PPRC1: variants seen among roughly 807,000 people sequenced by gnomAD.
PPRC1 encodes the protein PPARG related coactivator 1, also known as peroxisome proliferator-activated receptor gamma coactivator-related protein 1.
A neutral mutation model predicts 132.5 loss-of-function variants in PPRC1; 23 were observed. The ratio of observed to expected loss-of-function variants is 0.17; its 90% CI spans 0.12 to 0.25. The LOEUF is 0.25. Among genes scored for constraint, PPRC1 ranks in the 10% least tolerant of loss-of-function variants. PPRC1 has a pLI of 1.00. For missense variants in PPRC1, 2,006 were observed against 2,089.1 expected (o/e 0.96, Z 0.78); for synonymous variants, 872 against 833.5 (o/e 1.05, Z -0.80).
At chr10:102,149,024 G>T in intron 12 of PPRC1, 86 bp downstream of exon 12, 1 of 1,563,878 alleles carries the variant, frequency 6.4e-7, no homozygotes, top group Non-Finnish European at 8.7e-7. Flanking sequence ...TTGCTCTGGT[G>T]TGCTGAGCAA....
chr10:102,139,268 A>G lies in PPRC1; in HGVS notation c.760A>G (p.Ser254Gly). ...SDGEEEEEVA[S>G]FSGQILAGEL... ...TGGAGAAGAAGAGGAGGAGGTGGCC[A>G]GCTTCAGTGGCCAGATTCTTGCCGG... The change falls in exon 5 of 14, where the codon AGC becomes GGC. Residue 254 changes from serine (S) to glycine (G), a missense_variant. Around this residue, in one of 2 missense-constraint regions of PPRC1, gnomAD observed 1,914 missense variants for 1,917.2 expected, o/e 1.00. Coordinates refer to ENST00000278070, the MANE Select transcript of PPRC1 (RefSeq NM_015062.5). 1 of 1,614,204 alleles carries G rather than the reference A, an allele frequency of 6.2e-7. No homozygotes were observed. Among genetic ancestry groups the G allele is most frequent in the Middle Eastern group, 1.6e-4 (1 of 6,062 alleles).
chr10:102,139,113 T>C lies in PPRC1; in HGVS notation c.605T>C (p.Leu202Pro), dbSNP rs1349588324. 1 of 1,608,474 alleles carries C rather than the reference T, an allele frequency of 6.2e-7. No individual in the cohort carries two copies. Among genetic ancestry groups the C allele is most frequent in the Non-Finnish European group, 8.5e-7 (1 of 1,176,874 alleles). The change falls in exon 5 of 14, where the codon CTT becomes CCT. Residue 202 changes from leucine to proline, a missense_variant. Physicochemically the swap from Leu to Pro is moderately conservative, Grantham distance 98. Around this residue, in one of 2 missense-constraint regions of PPRC1, gnomAD observed 1,914 missense variants for 1,917.2 expected, o/e 1.00. Coordinates refer to ENST00000278070, the MANE Select transcript of PPRC1 (RefSeq NM_015062.5). Reference protein sequence around the residue: ...SSRGSGVEMSLPDPSWDFSPP... With the variant: ...SSRGSGVEMSPPDPSWDFSPP... The stretch of plus-strand genomic sequence containing the variant: ...TCTCTCCTGCAGGTTGAAATGTCTC[T>C]TCCAGATCCCTCTTGGGACTTCTCC...
the PPRC1 span, chr10:102,120,342 G>A: frequency 2.0e-6 from 2 of 984,416 alleles, no homozygotes; most frequent in Non-Finnish European, 1.2e-6. Context: ...GCGTGTGTGC[G>A]CGCGGGTGTG....
At chr10:102,132,006 A>C (rs77633925), upstream of PPRC1, among the ~76,000 whole-genome samples, 2,753 of 152,338 alleles carry the variant, frequency 0.018, 136 homozygotes, top group East Asian at 0.17. Flanking sequence ...CATAAAATAG[A>C]ACTGGTGCTA....
chr10:102,120,925 C>T, the PPRC1 span, among the ~76,000 whole-genome samples: 2 of 152,302 alleles, frequency 1.3e-5, no homozygotes, highest in Admixed American at 6.5e-5. Flanking sequence ...GAGACGCCAG[C>T]CTTCTTCTGG....
At position 102,147,353 on chromosome 10, in the gene PPRC1, G is replaced by C; in HGVS notation, c.4361G>C (p.Arg1454Pro). The C allele has an allele frequency of 1.2e-6, 2 of 1,609,360 alleles. No homozygotes were observed. The highest frequency in any genetic ancestry group is 1.1e-5 in the South Asian group (1 of 91,072). ...TCATCGTCTTCCTCATCCCGATCTC[G>C]GTCCAGGTCCCTCTCCCCCCCACAC... ...SSSSSSSSRS[R>P]SRSLSPPHKR... Residue 1454 changes from arginine (R) to proline (P), a missense_variant, in exon 9 of 14, where the codon CGG becomes CCG. Physicochemically the swap from Arg to Pro is moderately radical, Grantham distance 103. Coordinates refer to ENST00000278070, the MANE Select transcript of PPRC1 (RefSeq NM_015062.5).
intron 1 of PPRC1, among the ~76,000 whole-genome samples, chr10:102,136,423 T>C (rs1044052741): frequency 3.9e-5 from 6 of 152,132 alleles, no homozygotes; most frequent in African/African-American, 1.2e-4. Context: ...CCTGTCTGTA[T>C]GTGATCCTGT....
chr10:102,133,469 G>A (rs1355766762), intron 1 of PPRC1, among the ~76,000 whole-genome samples: 1 of 152,166 alleles, frequency 6.6e-6, no homozygotes, highest in Admixed American at 6.5e-5. Flanking sequence ...CCCGCGGCTG[G>A]GGGTCAGGGG....
chr10:102,121,719 T>C, the PPRC1 span, among the ~76,000 whole-genome samples: 1 of 152,118 alleles, frequency 6.6e-6, no homozygotes, highest in Non-Finnish European at 1.5e-5. Context: ...GCTCCAGGGA[T>C]AGACGATGGA....
chr10:102,142,649 C>T (rs992493990), intron 5 of PPRC1, among the ~76,000 whole-genome samples: 1 of 151,634 alleles, frequency 6.6e-6, no homozygotes, highest in South Asian at 2.1e-4. Flanking sequence ...CTCCTGACCT[C>T]GTGATCCGCC....
At position 102,147,175 on chromosome 10, in the gene PPRC1, C is replaced by T. The variant is rs2069291104; in HGVS notation, c.4183C>T (p.Pro1395Ser). Residue 1395 changes from proline (P) to serine (S), a missense_variant, in exon 9 of 14, where the codon CCC (proline) becomes TCC (serine). Physicochemically the swap from Pro to Ser is moderately conservative, Grantham distance 74 (BLOSUM62 -1). Coordinates refer to ENST00000278070, the MANE Select transcript of PPRC1 (RefSeq NM_015062.5). Reference protein sequence around the residue: ...NDMNTRTPPEPSAKQRSMRCY... With the variant: ...NDMNTRTPPESSAKQRSMRCY... Reference sequence around the variant, plus strand: ...CATGAACACTAGGACTCCCCCTGAACCCTCAGCCAAGCAGCGGTCAATGCG... The same window carrying T: ...CATGAACACTAGGACTCCCCCTGAATCCTCAGCCAAGCAGCGGTCAATGCG... 2 of 1,614,190 alleles carry T rather than the reference C, an allele frequency of 1.2e-6. No individual in the cohort carries two copies. Among genetic ancestry groups the T allele is most frequent in the East Asian group, 2.2e-5 (1 of 44,882 alleles).
chr10:102,140,308 T>A lies in PPRC1; in HGVS notation c.1800T>A (p.Val600=). ...CTGATCCCACTGCAGTTGGCCCTGT[T>A]CTAGCTGGCCCTGTACCTGTTGACC... ...VEADPTAVGP[V]LAGPVPVDPG... The change falls in exon 5 of 14, where the codon GTT becomes GTA. Residue 600 remains valine (V), a synonymous_variant. Transcript: ENST00000278070. The A allele has an allele frequency of 6.2e-7, 1 of 1,614,152 alleles. No homozygotes were observed. The highest frequency in any genetic ancestry group is 1.1e-5 in the South Asian group (1 of 91,086).
At position 102,139,735 on chromosome 10, in the gene PPRC1, T is replaced by C. The variant is rs2068870450; in HGVS notation, c.1227T>C (p.Ser409=). The change falls in exon 5 of 14, where the codon TCT becomes TCC. Residue 409 remains serine (S), a synonymous_variant. Coordinates refer to ENST00000278070, the MANE Select transcript of PPRC1 (RefSeq NM_015062.5). ...CTGTGCCCAAGGTAACCCTCTGCTC[T>C]GAGAAAGAGGGGTTGTCATTGAACT... ...EAAVPKVTLC[S]EKEGLSLNSE... is the part of the protein sequence containing the mutation. The C allele has an allele frequency of 6.2e-7, 1 of 1,614,012 alleles. No homozygotes were observed. Among genetic ancestry groups the C allele is most frequent in the Non-Finnish European group, 8.5e-7 (1 of 1,180,040 alleles).
intron 6 of PPRC1, among the ~76,000 whole-genome samples, chr10:102,143,301 G>C (rs1359103287): frequency 1.3e-5 from 2 of 151,994 alleles, no homozygotes; most frequent in Non-Finnish European, 2.9e-5. Flanking sequence ...AGGTATTAAA[G>C]AGTAGACTGG....
At chr10:102,134,286 A>AT (rs1296450541) in intron 1 of PPRC1, among the ~76,000 whole-genome samples, 1 of 151,932 alleles carries the variant, frequency 6.6e-6, no homozygotes, top group Non-Finnish European at 1.5e-5. Flanking sequence ...GGCTCTTCGG[A>AT]TTTTTTGCTG....
upstream of PPRC1, among the ~76,000 whole-genome samples, chr10:102,132,210 A>T (rs1284386781): frequency 6.6e-6 from 1 of 152,234 alleles, no homozygotes; most frequent in African/African-American, 2.4e-5. Flanking sequence ...TTTTTCCTCT[A>T]AACAGTCTTG....
chr10:102,138,255 T>C (rs2068798554), intron 2 of PPRC1, among the ~76,000 whole-genome samples: 1 of 152,228 alleles, frequency 6.6e-6, no homozygotes, highest in Non-Finnish European at 1.5e-5. Flanking sequence ...GCTTAGACTA[T>C]AGTCCAAGGC....
chr10:102,147,240 C>A lies in PPRC1; in HGVS notation c.4248C>A (p.Ser1416Arg), dbSNP rs766047799. The change falls in exon 9 of 14, where the codon AGC (serine) becomes AGA (arginine). Residue 1416 changes from serine (S) to arginine (R), a missense_variant. This residue lies in a region of PPRC1 where 1,914 missense variants were observed against 1,917.2 expected (regional missense o/e 1.00). Transcript: ENST00000278070. ...CCTGCAGGTCAGCCAGCCCCTCAAGCCAGGGCTGGCAGGGCCGCCGAGGCC... is the reference window on the plus strand; with the variant it reads ...CCTGCAGGTCAGCCAGCCCCTCAAGACAGGGCTGGCAGGGCCGCCGAGGCC... ...RKACRSASPS[S>R]QGWQGRRGRN... The A allele has an allele frequency of 6.2e-7, 1 of 1,613,220 alleles. No homozygotes were observed. Among genetic ancestry groups the A allele is most frequent in the East Asian group, 2.2e-5 (1 of 44,886 alleles).
intron 5 of PPRC1, among the ~76,000 whole-genome samples, chr10:102,142,710 G>A (rs1376166523): frequency 6.6e-6 from 1 of 152,022 alleles, no homozygotes; most frequent in African/African-American, 2.4e-5. Flanking sequence ...CACCGCCCTT[G>A]GCCTGTTTTT....
Sources: allele counts gnomAD v4.1 joint callset (sites outside exome capture counted in the v4.1 genomes callset), GRCh38; gene constraint gnomAD v4.1.1; regional missense constraint gnomAD v4.1.1; transcripts MANE v1.5; gene names NCBI Gene and HGNC (gene_info 2026-07-23, HGNC 2026-07-21).